The following SLC35F4 variants were observed in gnomAD, a reference collection of about 807,000 sequenced individuals.
The protein encoded by SLC35F4 is solute carrier family 35 member F4.
Under a neutral mutation model 44.2 loss-of-function variants are expected in SLC35F4, and 24 were observed. The ratio of observed to expected loss-of-function variants is 0.54; its 90% CI spans 0.39 to 0.76. The LOEUF is 0.76. Ranked by LOEUF, SLC35F4 falls within the 30% of genes least tolerant of loss-of-function variation. The pLI is 0.00. For missense variants in SLC35F4, 562 were observed against 586.1 expected, an observed-to-expected ratio of 0.96 and a Z score of 0.42; for synonymous variants, 238 against 223.6, an observed-to-expected ratio of 1.06 and a Z score of -0.57.
In SLC35F4 at chr14:57,720,979, CATATATATAT is replaced by C. The variant is rs3062932; in HGVS notation, c.104-126865_104-126856del. Reference sequence around the variant, plus strand: ...TGATTGTGTGAGTTAATAAACTCCTCATATATATATATATATATATATATATATATATATA... The same window carrying C: ...TGATTGTGTGAGTTAATAAACTCCTCATATATATATATATATATATATATA... On this transcript the variant is annotated intron_variant, in intron 1 of 7. Transcript: ENST00000556826. Among the ~76,000 whole-genome samples the C allele has an allele frequency of 6.0e-4, 30 of 49,810 alleles. 2 individuals carry two copies. In the South Asian group the frequency reaches 6.9e-3, roughly 11 times the overall value. 32.7% of individuals were successfully genotyped at this position (49,810 alleles called of 152,430 possible).
intron 1 of SLC35F4, among the ~76,000 whole-genome samples, chr14:57,948,230 G>A (rs369602647): frequency 2.2e-4 from 33 of 152,088 alleles, no homozygotes; most frequent in East Asian, 5.8e-4. Flanking sequence ...GGTCTGTCCC[G>A]TGTTTCTATT....
intron 1 of SLC35F4, among the ~76,000 whole-genome samples, chr14:57,951,142 C>T (rs534135054): frequency 6.6e-6 from 1 of 152,256 alleles, no homozygotes; most frequent in Admixed American, 6.5e-5. Flanking sequence ...ATGGGTATAG[C>T]CCATGTAAGG....
intron 1 of SLC35F4, among the ~76,000 whole-genome samples, chr14:57,594,780 A>G (rs181906512): frequency 8.9e-4 from 135 of 152,350 alleles, no homozygotes; most frequent in Middle Eastern, 3.4e-3. Context: ...ATTGATCACT[A>G]AAATTTAATT....
At chr14:57,595,204 G>C in intron 1 of SLC35F4, among the ~76,000 whole-genome samples, 1 of 152,168 alleles carries the variant, frequency 6.6e-6, no homozygotes, top group Non-Finnish European at 1.5e-5. Flanking sequence ...GTTCTAAAGA[G>C]AGCTGTTGAA....
intron 1 of SLC35F4, among the ~76,000 whole-genome samples, chr14:57,701,861 C>T (rs1044272481): frequency 6.6e-6 from 1 of 152,132 alleles, no homozygotes; most frequent in African/African-American, 2.4e-5. Context: ...ATTGTACTTA[C>T]CCATTCTTCA....
At chr14:57,891,073 A>G (rs1888752983) in intron 1 of SLC35F4, among the ~76,000 whole-genome samples, 1 of 152,188 alleles carries the variant, frequency 6.6e-6, no homozygotes. Context: ...AGAGGAATGG[A>G]CCAAATCACT....
At chr14:57,919,008 C>G (rs193083422) in intron 1 of SLC35F4, among the ~76,000 whole-genome samples, 65 of 152,326 alleles carry the variant, frequency 4.3e-4, no homozygotes, top group African/African-American at 1.4e-3. Flanking sequence ...TTATTTCCTA[C>G]TACTTCTTGC....
chr14:57,758,027 G>T (rs1385702136), intron 1 of SLC35F4, among the ~76,000 whole-genome samples: 2 of 151,610 alleles, frequency 1.3e-5, no homozygotes, highest in Admixed American at 6.6e-5. Context: ...GTGTGTGTGT[G>T]TGTGTGTGTG....
intron 1 of SLC35F4, among the ~76,000 whole-genome samples, chr14:57,945,193 A>T (rs1334828651): frequency 1.3e-5 from 2 of 152,100 alleles, no homozygotes; most frequent in Non-Finnish European, 2.9e-5. Flanking sequence ...TTGACACATG[A>T]CATACTACCC....
intron 1 of SLC35F4, among the ~76,000 whole-genome samples, chr14:57,807,102 A>G: frequency 6.6e-6 from 1 of 152,260 alleles, no homozygotes; most frequent in East Asian, 1.9e-4. Context: ...AAAAATTAGT[A>G]GTAAAAATAG....
At chr14:57,597,560 C>G (rs1262643569) in intron 1 of SLC35F4, among the ~76,000 whole-genome samples, 1 of 152,174 alleles carries the variant, frequency 6.6e-6, no homozygotes, top group African/African-American at 2.4e-5. Context: ...ACCAATTAGC[C>G]ACAGTTTGAT....
upstream of SLC35F4, among the ~76,000 whole-genome samples, chr14:57,866,666 C>T (rs1439100623): frequency 6.6e-6 from 1 of 152,138 alleles, no homozygotes; most frequent in Non-Finnish European, 1.5e-5. Context: ...GCACACAGCA[C>T]GTTTATTTTT....
intron 1 of SLC35F4, among the ~76,000 whole-genome samples, chr14:57,757,837 A>C (rs1171114071): frequency 6.6e-6 from 1 of 152,104 alleles, no homozygotes; most frequent in African/African-American, 2.4e-5. Context: ...TGTACTCTTC[A>C]TTCTTTTATG....
intron 1 of SLC35F4, among the ~76,000 whole-genome samples, chr14:57,927,839 G>C (rs954692719): frequency 6.6e-6 from 1 of 152,052 alleles, no homozygotes; most frequent in East Asian, 1.9e-4. Flanking sequence ...CAGAACAAAA[G>C]TCTTTAAATT....
chr14:57,659,755 A>T lies in SLC35F4; in HGVS notation c.104-65631T>A, dbSNP rs182299749. ...CACCATCATTATTTACATAATTTTT[A>T]AAAATGACGTGAGGACAAATCACAG... On this transcript the variant is annotated intron_variant, in intron 1 of 7. Coordinates refer to ENST00000556826, the MANE Select transcript of SLC35F4 (RefSeq NM_001306087.2). Among the ~76,000 whole-genome samples, 308 of 152,326 alleles carry T rather than the reference A, an allele frequency of 2.0e-3. 2 individuals are homozygous for T. The highest frequency in any genetic ancestry group is 7.1e-3 in the African/African-American group (295 of 41,580).
intron 1 of SLC35F4, among the ~76,000 whole-genome samples, chr14:57,675,800 A>G (rs2074674521): frequency 6.6e-6 from 1 of 152,026 alleles, no homozygotes. Context: ...AATTCTGTTT[A>G]TGTCATATGT....
intron 1 of SLC35F4, among the ~76,000 whole-genome samples, chr14:57,751,188 A>AT (rs1263538957): frequency 6.6e-6 from 1 of 152,152 alleles, no homozygotes; most frequent in Non-Finnish European, 1.5e-5. Flanking sequence ...TAGGAAGGTT[A>AT]TTTTTTCTGG....
At chr14:57,976,129 T>A (rs1167467252), downstream of SLC35F4, among the ~76,000 whole-genome samples, 1 of 152,184 alleles carries the variant, frequency 6.6e-6, no homozygotes, top group Admixed American at 6.5e-5. Context: ...ACCCACTGAT[T>A]TAAGGGAAGG....
chr14:57,841,653 G>A (rs1285677110), intron 1 of SLC35F4, among the ~76,000 whole-genome samples: 1 of 152,136 alleles, frequency 6.6e-6, no homozygotes, highest in Non-Finnish European at 1.5e-5. Context: ...GAGAACTGGT[G>A]CCAGGGACTA....
Sources: allele counts gnomAD v4.1 joint callset (sites outside exome capture counted in the v4.1 genomes callset), GRCh38; gene constraint gnomAD v4.1.1; transcripts MANE v1.5; gene names NCBI Gene and HGNC (gene_info 2026-07-23, HGNC 2026-07-21).